The following GALNT17 variants were observed in gnomAD, a reference collection of about 807,000 sequenced individuals.
GALNT17 encodes polypeptide N-acetylgalactosaminyltransferase 17.
A neutral mutation model predicts 63.7 loss-of-function variants in GALNT17; 29 were observed. The observed-to-expected ratio is 0.46, with a 90% confidence interval of 0.34 to 0.62. The LOEUF (loss-of-function observed/expected upper bound fraction) is 0.62. Among genes scored for constraint, GALNT17 ranks in the 20% least tolerant of loss-of-function variants. The probability of loss-of-function intolerance (pLI) is 0.01; values close to 1 mark genes in which losing one functional copy is unlikely to be tolerated. For synonymous variants in GALNT17, 305 were observed against 318.3 expected (o/e 0.96, Z 0.45); for missense variants, 603 against 799.6 (o/e 0.75, Z 2.97).
At chr7:71,304,754 C>CTT (rs549137032) in intron 1 of GALNT17, among the ~76,000 whole-genome samples, 1 of 145,254 alleles carries the variant, frequency 6.9e-6, no homozygotes, top group African/African-American at 2.5e-5. Context: ...TTTCTTTTTT[C>CTT]TTTTTTTTTT....
intron 6 of GALNT17, among the ~76,000 whole-genome samples, chr7:71,663,531 C>T (rs958252922): frequency 6.6e-6 from 1 of 152,126 alleles, no homozygotes; most frequent in Non-Finnish European, 1.5e-5. Flanking sequence ...ACCTAACATG[C>T]GAGGGCATCT....
intron 6 of GALNT17, among the ~76,000 whole-genome samples, chr7:71,611,940 A>ATT (rs978745915): frequency 6.6e-6 from 1 of 152,112 alleles, no homozygotes; most frequent in African/African-American, 2.4e-5. Flanking sequence ...TGAGAAGCAC[A>ATT]GGAGATGAGC....
At chr7:71,456,770 T>G (rs1787364037) in intron 5 of GALNT17, among the ~76,000 whole-genome samples, 1 of 152,190 alleles carries the variant, frequency 6.6e-6, no homozygotes, top group Non-Finnish European at 1.5e-5. Context: ...AAGTTTATTT[T>G]GCGAAGGTTC....
At chr7:71,501,913 T>C (rs1788186057) in intron 5 of GALNT17, among the ~76,000 whole-genome samples, 1 of 151,816 alleles carries the variant, frequency 6.6e-6, no homozygotes, top group South Asian at 2.1e-4. Flanking sequence ...AAGATTACCA[T>C]CCTCCCCTTC....
chr7:71,501,476 C>T (rs1788179663), intron 5 of GALNT17, among the ~76,000 whole-genome samples: 1 of 152,128 alleles, frequency 6.6e-6, no homozygotes, highest in Admixed American at 6.6e-5. Context: ...CTATGTTGCC[C>T]AGGCTGGTCT....
intron 1 of GALNT17, among the ~76,000 whole-genome samples, chr7:71,289,368 T>A (rs1218559996): frequency 6.6e-6 from 1 of 152,186 alleles, no homozygotes; most frequent in Admixed American, 6.5e-5. Context: ...TTATATGTAG[T>A]TTGGTTTTTA....
intron 2 of GALNT17, among the ~76,000 whole-genome samples, chr7:71,363,886 G>A (rs1439199582): frequency 6.6e-6 from 1 of 152,222 alleles, no homozygotes; most frequent in Admixed American, 6.5e-5. Flanking sequence ...CCGAAACTCA[G>A]TGATTGGCAC....
chr7:71,629,602 C>T (rs1179375173), intron 6 of GALNT17, among the ~76,000 whole-genome samples: 1 of 152,104 alleles, frequency 6.6e-6, no homozygotes, highest in Non-Finnish European at 1.5e-5. Flanking sequence ...ACCTCAGCCT[C>T]TTGAGTAGCG....
intron 9 of GALNT17, among the ~76,000 whole-genome samples, chr7:71,686,802 A>G (rs1159150303): frequency 3.3e-5 from 5 of 152,150 alleles, no homozygotes; most frequent in Non-Finnish European, 5.9e-5. Flanking sequence ...GTTCCTGCAA[A>G]TTCTGATGCA....
At chr7:71,282,245 G>A (rs1373748536) in intron 1 of GALNT17, among the ~76,000 whole-genome samples, 1 of 152,186 alleles carries the variant, frequency 6.6e-6, no homozygotes, top group Non-Finnish European at 1.5e-5. Flanking sequence ...GCCTCCTGAC[G>A]ACGAGAGCCA....
intron 1 of GALNT17, among the ~76,000 whole-genome samples, chr7:71,267,583 C>T (rs1052450559): frequency 6.6e-6 from 1 of 152,150 alleles, no homozygotes. Flanking sequence ...ATATCTGTTG[C>T]GCTCATTTGC....
At chr7:71,282,458 C>T (rs1583825915) in intron 1 of GALNT17, among the ~76,000 whole-genome samples, 2 of 152,232 alleles carry the variant, frequency 1.3e-5, no homozygotes, top group East Asian at 3.9e-4. Context: ...CCCCGCAAGG[C>T]TAGCCCAGCA....
intron 1 of GALNT17, among the ~76,000 whole-genome samples, chr7:71,306,025 C>A (rs1264444152): frequency 6.6e-6 from 1 of 152,030 alleles, no homozygotes; most frequent in Non-Finnish European, 1.5e-5. Context: ...TCGAGACCAG[C>A]CTGGCCAACA....
rs1408877563 is a variant in GALNT17, at chr7:71,259,647, T to TTG, written c.239-75902_239-75901insGT. Among the ~76,000 whole-genome samples, 285 of 138,598 alleles carry TTG rather than the reference T, an allele frequency of 2.1e-3. 4 individuals are homozygous for TTG. Among genetic ancestry groups the TTG allele is most frequent in the African/African-American group, 7.4e-3 (272 of 36,612 alleles). The allele number at this position is 138,598 out of a possible 152,430, so 90.9% of individuals were successfully genotyped here. The stretch of plus-strand genomic sequence containing the variant: ...TCCTGTTTTGTTTTTTGTTTTTTTG[T>TTG]TTTTTTTTTTTTGAGACGGAGTCTT... On this transcript the variant is annotated intron_variant, in intron 1 of 10. Transcript: ENST00000333538.
At chr7:71,378,458 G>T (rs1014536310) in intron 2 of GALNT17, among the ~76,000 whole-genome samples, 2 of 152,138 alleles carry the variant, frequency 1.3e-5, no homozygotes, top group African/African-American at 2.4e-5. Flanking sequence ...GACCCAAGCA[G>T]CTTTCAGAGT....
intron 5 of GALNT17, among the ~76,000 whole-genome samples, chr7:71,426,859 C>T (rs1047753712): frequency 2.6e-4 from 39 of 150,276 alleles, no homozygotes; most frequent in African/African-American, 9.3e-4. Flanking sequence ...GCGGAGGTTG[C>T]AGTGAGCCAA....
At chr7:71,379,172 G>A (rs1186160020) in intron 2 of GALNT17, among the ~76,000 whole-genome samples, 1 of 152,152 alleles carries the variant, frequency 6.6e-6, no homozygotes, top group Non-Finnish European at 1.5e-5. Flanking sequence ...GGAGACCAGA[G>A]GAAGTGCCTA....
At chr7:71,142,732 G>A (rs960753889) in intron 1 of GALNT17, among the ~76,000 whole-genome samples, 26 of 152,070 alleles carry the variant, frequency 1.7e-4, no homozygotes, top group African/African-American at 5.8e-4. Context: ...CTTGAGGTCA[G>A]GAGTTCAAGA....
intron 9 of GALNT17, among the ~76,000 whole-genome samples, chr7:71,689,955 C>T (rs4719167): frequency 0.75 from 114,650 of 151,916 alleles, 43,393 homozygotes; most frequent in East Asian, 0.85. Context: ...TGCATGTGCC[C>T]GAGAAATGGA....
Sources: allele counts gnomAD v4.1 joint callset (sites outside exome capture counted in the v4.1 genomes callset), GRCh38; gene constraint gnomAD v4.1.1; transcripts MANE v1.5; gene names NCBI Gene and HGNC (gene_info 2026-07-23, HGNC 2026-07-21).